The following SLC25A21 variants were observed in gnomAD, a reference collection of about 807,000 sequenced individuals.
SLC25A21 encodes solute carrier family 25 member 21.
Under a neutral mutation model 43.8 loss-of-function variants are expected in SLC25A21, and 47 were observed. The observed-to-expected ratio is 1.07, with a 90% CI of 0.85 to 1.37. The LOEUF (loss-of-function observed/expected upper bound fraction) is 1.37. SLC25A21 is among the 40% of genes most tolerant of loss of function. SLC25A21 has a pLI of 0.00. For synonymous variants in SLC25A21, 131 were observed against 121.3 expected, an observed-to-expected ratio of 1.08 and a Z score of -0.52; for missense variants, 352 against 350.2, an observed-to-expected ratio of 1.00 and a Z score of -0.04.
intron 3 of SLC25A21, among the ~76,000 whole-genome samples, chr14:36,743,068 C>A (rs1885336617): frequency 6.6e-6 from 1 of 152,164 alleles, no homozygotes; most frequent in South Asian, 2.1e-4. Flanking sequence ...TCCATGGCTC[C>A]ATTCCCTGGA....
chr14:36,904,773 G>A (rs1235487321), intron 1 of SLC25A21, among the ~76,000 whole-genome samples: 3 of 152,048 alleles, frequency 2.0e-5, no homozygotes, highest in Admixed American at 6.5e-5. Context: ...TTACTATCAC[G>A]AGAACAGCAT....
At chr14:37,021,727 GT>G (rs1415552552) in intron 1 of SLC25A21, among the ~76,000 whole-genome samples, 1 of 151,874 alleles carries the variant, frequency 6.6e-6, no homozygotes, top group Non-Finnish European at 1.5e-5. Flanking sequence ...ATCAGAATAA[GT>G]TTCAGGAAAA....
chr14:37,168,505 G>A (rs2138959375), intron 1 of SLC25A21, among the ~76,000 whole-genome samples: 1 of 152,034 alleles, frequency 6.6e-6, no homozygotes. Flanking sequence ...AGTTTCTCTG[G>A]AAAATAATCT....
intron 3 of SLC25A21, 44 bp downstream of exon 3, chr14:36,813,874 T>C: frequency 5.2e-6 from 7 of 1,347,198 alleles, no homozygotes; most frequent in Non-Finnish European, 6.3e-6. Flanking sequence ...GAAAACATGT[T>C]AAGTAGAAAC....
At chr14:36,934,048 A>T (rs1892357687) in intron 1 of SLC25A21, among the ~76,000 whole-genome samples, 1 of 152,180 alleles carries the variant, frequency 6.6e-6, no homozygotes, top group Admixed American at 6.6e-5. Context: ...GGATAAAAGG[A>T]AATGATTAAT....
chr14:37,163,647 T>C (rs1566925053), intron 1 of SLC25A21, among the ~76,000 whole-genome samples: 1 of 152,138 alleles, frequency 6.6e-6, no homozygotes, highest in Non-Finnish European at 1.5e-5. Context: ...GTTCCTTTCA[T>C]TCATTGCCAT....
chr14:36,735,812 C>CT (rs58500416), intron 3 of SLC25A21, among the ~76,000 whole-genome samples: 2,488 of 131,622 alleles, frequency 0.019, 30 homozygotes, highest in Middle Eastern at 0.028. Context: ...TCCCAGAATC[C>CT]TTTTTTTTTT....
rs140886521 is a variant in SLC25A21, at chr14:36,687,236, A to G, written c.604-2311T>C. On this transcript the variant is annotated intron_variant, in intron 7 of 9. Coordinates refer to ENST00000331299, the MANE Select transcript of SLC25A21 (RefSeq NM_030631.4). Reference sequence around the variant, plus strand: ...CCAAAGTGTTGGGATTACAGCCATGAGCCACCGTGCCCGGCCCACCTTTGT... The same window carrying G: ...CCAAAGTGTTGGGATTACAGCCATGGGCCACCGTGCCCGGCCCACCTTTGT... 8.5e-3 allele frequency among the ~76,000 whole-genome samples: 1,294 copies of G among 152,314 alleles called. 6 individuals are homozygous for G. The highest frequency in any genetic ancestry group is 0.013 in the Non-Finnish European group (906 of 68,024).
intron 1 of SLC25A21, among the ~76,000 whole-genome samples, chr14:36,887,501 T>C (rs1890953679): frequency 1.3e-5 from 2 of 150,444 alleles, no homozygotes; most frequent in South Asian, 4.2e-4. Flanking sequence ...AGGCGGATGT[T>C]GCAGTGAGCA....
intron 3 of SLC25A21, among the ~76,000 whole-genome samples, chr14:36,785,576 C>T (rs986085572): frequency 6.6e-6 from 1 of 152,196 alleles, no homozygotes; most frequent in Non-Finnish European, 1.5e-5. Context: ...TTAGCATGAT[C>T]ATTGTCATGT....
chr14:37,048,869 C>T (rs1260384501), intron 1 of SLC25A21, among the ~76,000 whole-genome samples: 1 of 152,096 alleles, frequency 6.6e-6, no homozygotes, highest in East Asian at 1.9e-4. Context: ...CTAGTTTTGC[C>T]AAAGACTTTT....
chr14:36,890,434 G>A (rs1651800490), intron 1 of SLC25A21, among the ~76,000 whole-genome samples: 1 of 152,108 alleles, frequency 6.6e-6, no homozygotes, highest in Non-Finnish European at 1.5e-5. Flanking sequence ...AGGGAATTGA[G>A]GACATGATGG....
chr14:37,003,931 C>G (rs1214381476), intron 1 of SLC25A21, among the ~76,000 whole-genome samples: 1 of 152,112 alleles, frequency 6.6e-6, no homozygotes, highest in Non-Finnish European at 1.5e-5. Flanking sequence ...TGCAGATCCC[C>G]TTCACTGCCT....
intron 1 of SLC25A21, among the ~76,000 whole-genome samples, chr14:36,991,684 TA>T (rs1960266986): frequency 6.6e-6 from 1 of 152,134 alleles, no homozygotes; most frequent in Non-Finnish European, 1.5e-5. Flanking sequence ...GAGCTCACAT[TA>T]AAAACTGGGC....
intron 1 of SLC25A21, among the ~76,000 whole-genome samples, chr14:36,922,333 C>G (rs116117795): frequency 0.013 from 1,973 of 152,110 alleles, 37 homozygotes; most frequent in African/African-American, 0.044. Context: ...TCTCTATGAT[C>G]GTTCCTGCAT....
intron 2 of SLC25A21, among the ~76,000 whole-genome samples, chr14:36,867,671 G>C (rs1230800590): frequency 6.6e-6 from 1 of 152,088 alleles, no homozygotes; most frequent in African/African-American, 2.4e-5. Context: ...TGACTGCATA[G>C]TAAACACTTC....
chr14:36,904,770 C>T (rs1253446008), intron 1 of SLC25A21, among the ~76,000 whole-genome samples: 1 of 152,122 alleles, frequency 6.6e-6, no homozygotes, highest in African/African-American at 2.4e-5. Context: ...CACTTACTAT[C>T]ACGAGAACAG....
At chr14:36,731,571 A>G (rs1194545533) in intron 4 of SLC25A21, among the ~76,000 whole-genome samples, 1 of 152,208 alleles carries the variant, frequency 6.6e-6, no homozygotes, top group Non-Finnish European at 1.5e-5. Context: ...AGAGGCCTTA[A>G]GTATATGAGC....
chr14:36,992,674 T>C (rs183423140), intron 1 of SLC25A21, among the ~76,000 whole-genome samples: 5 of 152,272 alleles, frequency 3.3e-5, no homozygotes, highest in Non-Finnish European at 5.9e-5. Flanking sequence ...GAGAAAATCA[T>C]AACTTTTTTT....
Sources: gnomAD v4.1 joint callset for allele counts (sites outside exome capture counted in the v4.1 genomes callset) on GRCh38, gnomAD v4.1.1 for gene constraint, MANE v1.5 for transcripts, NCBI Gene and HGNC (gene_info 2026-07-23, HGNC 2026-07-21) for gene names.